The following FOXN3 variants were observed in gnomAD, a reference collection of about 807,000 sequenced individuals.
FOXN3 encodes forkhead box N3, also known as forkhead box protein N3.
In FOXN3, 7 loss-of-function variants were observed where a neutral mutation model predicts 38.4. The ratio of observed to expected loss-of-function variants is 0.18; its 90% CI spans 0.10 to 0.34. The LOEUF (loss-of-function observed/expected upper bound fraction) is 0.34, where lower values mean the gene tolerates loss of function less well. Ranked by LOEUF, FOXN3 falls within the 10% of genes least tolerant of loss-of-function variation. FOXN3 has a pLI of 1.00. For missense variants in FOXN3, 456 were observed against 613.4 expected (o/e 0.74, Z 2.71); for synonymous variants, 230 against 242.2 (o/e 0.95, Z 0.47).
At chr14:89,496,039 C>T (rs571824657) in intron 1 of FOXN3, among the ~76,000 whole-genome samples, 1 of 152,164 alleles carries the variant, frequency 6.6e-6, no homozygotes, top group Non-Finnish European at 1.5e-5. Flanking sequence ...GTGGTAAAAT[C>T]CCGTCTCTAC....
intron 3 of FOXN3, among the ~76,000 whole-genome samples, chr14:89,336,181 C>T (rs1164452866): frequency 7.2e-6 from 1 of 139,544 alleles, no homozygotes; most frequent in African/African-American, 2.6e-5. Context: ...CATTCATAAT[C>T]CTTAGTCACC....
At chr14:89,399,987 G>C (rs1220641245) in intron 2 of FOXN3, 1 of 152,214 alleles carries the variant, frequency 6.6e-6, no homozygotes, top group Non-Finnish European at 1.5e-5. Context: ...GAAGCCATGG[G>C]TTAGGGGGCT....
At chr14:89,599,310 C>T (rs1896113850) in intron 1 of FOXN3, among the ~76,000 whole-genome samples, 1 of 152,140 alleles carries the variant, frequency 6.6e-6, no homozygotes, top group Non-Finnish European at 1.5e-5. Context: ...CAACCATAAC[C>T]ATCACCACAA....
At chr14:89,476,626 G>A (rs888454456) in intron 1 of FOXN3, among the ~76,000 whole-genome samples, 1 of 152,164 alleles carries the variant, frequency 6.6e-6, no homozygotes, top group African/African-American at 2.4e-5. Flanking sequence ...ATTCACTAGA[G>A]GGAAACAGCA....
In FOXN3 at chr14:89,350,740, T is replaced by C. The variant is rs199509207; in HGVS notation, c.612A>G (p.Lys204=). 7 of 1,606,142 alleles carry C rather than the reference T, an allele frequency of 4.4e-6. No homozygotes were observed. The highest frequency in any genetic ancestry group is 2.5e-6 in the Non-Finnish European group (3 of 1,177,216). The change falls in exon 3 of 6, where the codon AAA becomes AAG. Residue 204 remains lysine, a synonymous_variant. Coordinates refer to ENST00000557258, the MANE Select transcript of FOXN3 (RefSeq NM_005197.4). ...GTGGGTGTGGGTGATAAGGTGTCTTTTTCAAAGCCTGAATTAGATTTTGTC... is the reference window on the plus strand; with the variant it reads ...GTGGGTGTGGGTGATAAGGTGTCTTCTTCAAAGCCTGAATTAGATTTTGTC... The part of the protein sequence containing the change: ...EYRQNLIQAL[K]KTPYHPHPHV...
chr14:89,387,600 A>G (rs1210307282), intron 2 of FOXN3, among the ~76,000 whole-genome samples: 1 of 152,212 alleles, frequency 6.6e-6, no homozygotes, highest in African/African-American at 2.4e-5. Context: ...TCATTAGATG[A>G]CAGACTTTAT....
chr14:89,376,636 T>C (rs905862371), intron 2 of FOXN3, among the ~76,000 whole-genome samples: 6 of 152,160 alleles, frequency 3.9e-5, no homozygotes, highest in African/African-American at 1.4e-4. Context: ...TGGCCGCTGA[T>C]CAGACTTAGC....
chr14:89,224,583 T>C (rs1389625333), intron 4 of FOXN3, among the ~76,000 whole-genome samples: 1 of 152,220 alleles, frequency 6.6e-6, no homozygotes. Flanking sequence ...TGGCAGGTAC[T>C]ATACCAGGCA....
intron 1 of FOXN3, among the ~76,000 whole-genome samples, chr14:89,539,174 G>A (rs1019899042): frequency 3.9e-5 from 6 of 152,040 alleles, no homozygotes; most frequent in Non-Finnish European, 5.9e-5. Context: ...AAATTTAGTT[G>A]TATAATACCA....
At chr14:89,555,869 G>GTGTGTGTGTGTGTGTGTGTC (rs1895107223) in intron 1 of FOXN3, among the ~76,000 whole-genome samples, 1 of 136,070 alleles carries the variant, frequency 7.3e-6, no homozygotes, top group African/African-American at 2.5e-5. Flanking sequence ...GTGTGTGTGT[G>GTGTGTGTGTGTGTGTGTGTC]TGTGTGTATG....
intron 1 of FOXN3, among the ~76,000 whole-genome samples, chr14:89,594,886 C>G (rs1010128076): frequency 2.0e-5 from 3 of 152,002 alleles, no homozygotes; most frequent in Non-Finnish European, 4.4e-5. Flanking sequence ...AAAAAAGTAC[C>G]TTTTCTACTC....
intron 5 of FOXN3, among the ~76,000 whole-genome samples, chr14:89,166,882 C>T (rs1006319176): frequency 1.3e-5 from 2 of 152,172 alleles, no homozygotes; most frequent in South Asian, 2.1e-4. Context: ...TGTTTCCCGC[C>T]GCAGGGATTG....
At chr14:89,568,371 T>C (rs1222261139) in intron 1 of FOXN3, among the ~76,000 whole-genome samples, 1 of 152,060 alleles carries the variant, frequency 6.6e-6, no homozygotes, top group Non-Finnish European at 1.5e-5. Flanking sequence ...GGCCGATGTT[T>C]TCCCATGAGA....
At chr14:89,408,522 G>C (rs1891451370) in intron 2 of FOXN3, among the ~76,000 whole-genome samples, 1 of 150,842 alleles carries the variant, frequency 6.6e-6, no homozygotes, top group Admixed American at 6.7e-5. Flanking sequence ...CCAAAGTGCT[G>C]GGATTACAGG....
At chr14:89,610,365 C>T (rs1896363670) in intron 1 of FOXN3, among the ~76,000 whole-genome samples, 1 of 152,200 alleles carries the variant, frequency 6.6e-6, no homozygotes, top group Non-Finnish European at 1.5e-5. Context: ...CAACCCATGA[C>T]CGAAAGCAGC....
intron 4 of FOXN3, among the ~76,000 whole-genome samples, chr14:89,231,027 C>T (rs545047042): frequency 3.0e-4 from 45 of 152,304 alleles, no homozygotes; most frequent in African/African-American, 1.0e-3. Flanking sequence ...ATAATGATAA[C>T]ATCCCACCCA....
At chr14:89,183,131 T>A (rs1040714099) in intron 4 of FOXN3, among the ~76,000 whole-genome samples, 3 of 152,222 alleles carry the variant, frequency 2.0e-5, no homozygotes. Flanking sequence ...AACGATAGGC[T>A]TTTTGTTTGC....
intron 4 of FOXN3, among the ~76,000 whole-genome samples, chr14:89,241,552 C>T (rs575713369): frequency 1.6e-3 from 246 of 152,306 alleles, no homozygotes; most frequent in African/African-American, 5.5e-3. Flanking sequence ...TCTCAGTTTC[C>T]TCCTATGTAA....
At chr14:89,448,370 C>A (rs575418576) in intron 1 of FOXN3, among the ~76,000 whole-genome samples, 1 of 152,126 alleles carries the variant, frequency 6.6e-6, no homozygotes, top group Non-Finnish European at 1.5e-5. Flanking sequence ...CCAGGATCTG[C>A]ATAAGGTGGG....
Sources: allele counts gnomAD v4.1 joint callset (sites outside exome capture counted in the v4.1 genomes callset), GRCh38; gene constraint gnomAD v4.1.1; transcripts MANE v1.5; gene names NCBI Gene and HGNC (gene_info 2026-07-23, HGNC 2026-07-21).